KCNH7: variants seen among roughly 807,000 people sequenced by gnomAD.
KCNH7 encodes voltage-gated inwardly rectifying potassium channel KCNH7.
In KCNH7, 49 loss-of-function variants were observed where a neutral mutation model predicts 120.8. The ratio of observed to expected loss-of-function variants is 0.41; its 90% CI spans 0.32 to 0.51. The LOEUF is 0.51. Among genes scored for constraint, KCNH7 ranks in the 20% least tolerant of loss-of-function variants. The probability of loss-of-function intolerance (pLI) is 0.38; values close to 1 mark genes in which losing one functional copy is unlikely to be tolerated. For missense variants in KCNH7, 1,097 were observed against 1,446.6 expected, an observed-to-expected ratio of 0.76 and a Z score of 3.92; for synonymous variants, 547 against 516.1, an observed-to-expected ratio of 1.06 and a Z score of -0.81.
At position 162,398,030 on chromosome 2, in the gene KCNH7, A is replaced by C. The variant is rs2105440305; in HGVS notation, c.2408-1085T>G. On this transcript the variant is annotated intron_variant, in intron 10 of 15. Transcript: ENST00000332142. ...ATTTCCCTGAATGTCATGGCCACTT[A>C]GATTTTTCTGTTTCTGACTATCAAA... 2.0e-5 allele frequency among the ~76,000 whole-genome samples: 3 copies of C among 151,902 alleles called. 1 individual carries two copies. In the South Asian group the frequency reaches 6.2e-4, roughly 32 times the overall value.
At chr2:162,499,086 C>T (rs779814961) in intron 6 of KCNH7, among the ~76,000 whole-genome samples, 1 of 151,996 alleles carries the variant, frequency 6.6e-6, no homozygotes, top group African/African-American at 2.4e-5. Context: ...TCATACTTAT[C>T]CAGGGAGAGT....
intron 2 of KCNH7, among the ~76,000 whole-genome samples, chr2:162,598,073 G>T (rs151073860): frequency 6.6e-6 from 1 of 151,696 alleles, no homozygotes; most frequent in African/African-American, 2.4e-5. Flanking sequence ...GTTTATTTCC[G>T]TTTTTTCCCC....
chr2:162,515,280 C>A (rs1691241307), intron 4 of KCNH7, among the ~76,000 whole-genome samples: 1 of 151,586 alleles, frequency 6.6e-6, no homozygotes, highest in African/African-American at 2.4e-5. Context: ...ATGTATAGCA[C>A]CCGTACTGAG....
In KCNH7 at chr2:162,418,929, A is replaced by G. The variant is rs1160338175; in HGVS notation, c.2154+4407T>C. On this transcript the variant is annotated intron_variant, in intron 9 of 15. Transcript: ENST00000332142. Reference sequence around the variant, plus strand: ...ATGCTGTGTCACTCAGCATCTCACTATGATCCTAAGATTTTTTTAGCTTAT... The same window carrying G: ...ATGCTGTGTCACTCAGCATCTCACTGTGATCCTAAGATTTTTTTAGCTTAT... 2.0e-5 allele frequency among the ~76,000 whole-genome samples: 3 copies of G among 151,684 alleles called. No homozygotes were observed. The East Asian group carries it at 5.8e-4, about 29-fold the overall frequency.
chr2:162,637,390 T>C (rs1683999029), intron 2 of KCNH7, among the ~76,000 whole-genome samples: 2 of 152,082 alleles, frequency 1.3e-5, no homozygotes, highest in Non-Finnish European at 2.9e-5. Context: ...TACCCGATAG[T>C]TCCAAGTGGC....
At chr2:162,387,850 C>G (rs1162087778) in intron 12 of KCNH7, among the ~76,000 whole-genome samples, 2 of 151,640 alleles carry the variant, frequency 1.3e-5, no homozygotes, top group Non-Finnish European at 3.0e-5. Flanking sequence ...TTTCAAAAAA[C>G]CTGGAATTAA....
At chr2:162,591,084 C>T (rs1349605699) in intron 2 of KCNH7, among the ~76,000 whole-genome samples, 5 of 152,022 alleles carry the variant, frequency 3.3e-5, no homozygotes, top group Admixed American at 1.3e-4. Context: ...CCGAGCTCTT[C>T]GTTGGCTGTC....
intron 12 of KCNH7, among the ~76,000 whole-genome samples, chr2:162,390,277 T>C (rs929526253): frequency 2.0e-5 from 3 of 150,526 alleles, no homozygotes; most frequent in African/African-American, 7.3e-5. Context: ...CACATATTTA[T>C]ATATTTTATA....
chr2:162,524,087 G>T (rs980997314), intron 3 of KCNH7, among the ~76,000 whole-genome samples: 1 of 151,894 alleles, frequency 6.6e-6, no homozygotes, highest in Non-Finnish European at 1.5e-5. Context: ...ATCTTAGATT[G>T]GATTCCTGAA....
intron 2 of KCNH7, among the ~76,000 whole-genome samples, chr2:162,664,942 G>T (rs1685085515): frequency 6.6e-6 from 1 of 152,102 alleles, no homozygotes; most frequent in Admixed American, 6.6e-5. Flanking sequence ...TCAGGCCCCA[G>T]CTATGGCTAG....
At chr2:162,544,016 C>G (rs1692398063) in intron 2 of KCNH7, among the ~76,000 whole-genome samples, 1 of 152,110 alleles carries the variant, frequency 6.6e-6, no homozygotes, top group South Asian at 2.1e-4. Flanking sequence ...ATTCTCTTGT[C>G]CAGATGAGAA....
At chr2:162,538,446 A>G (rs562187782) in intron 2 of KCNH7, among the ~76,000 whole-genome samples, 1 of 152,014 alleles carries the variant, frequency 6.6e-6, no homozygotes, top group East Asian at 2.0e-4. Flanking sequence ...GGAGGTTGAG[A>G]GCAAGATTAG....
chr2:162,681,312 T>A (rs1346998886), intron 2 of KCNH7, among the ~76,000 whole-genome samples: 1 of 151,722 alleles, frequency 6.6e-6, no homozygotes, highest in African/African-American at 2.4e-5. Context: ...ACACACAAAC[T>A]ATTCCTGGGT....
chr2:162,744,410 T>TG (rs1271190111), intron 2 of KCNH7, among the ~76,000 whole-genome samples: 1 of 152,108 alleles, frequency 6.6e-6, no homozygotes, highest in African/African-American at 2.4e-5. Context: ...GTTCTGTTAT[T>TG]TTTCCTTAAA....
intron 12 of KCNH7, among the ~76,000 whole-genome samples, chr2:162,389,095 TTA>T (rs1248083295): frequency 6.6e-6 from 1 of 152,042 alleles, no homozygotes; most frequent in Non-Finnish European, 1.5e-5. Context: ...AGGCACATCT[TTA>T]ACACTGTTTG....
intron 12 of KCNH7, among the ~76,000 whole-genome samples, chr2:162,389,157 T>C (rs886869521): frequency 6.6e-6 from 1 of 151,980 alleles, no homozygotes; most frequent in African/African-American, 2.4e-5. Flanking sequence ...TTTTGTTTTG[T>C]TTTGTTTTTC....
At chr2:162,686,391 C>CA (rs1685892616) in intron 2 of KCNH7, among the ~76,000 whole-genome samples, 1 of 152,050 alleles carries the variant, frequency 6.6e-6, no homozygotes, top group Admixed American at 6.6e-5. Flanking sequence ...ATTTCCCAAA[C>CA]AAATAAAAGT....
At chr2:162,432,345 G>A (rs1048915616) in intron 8 of KCNH7, among the ~76,000 whole-genome samples, 11 of 151,906 alleles carry the variant, frequency 7.2e-5, no homozygotes, top group Admixed American at 2.0e-4. Flanking sequence ...TTTGTAGAAT[G>A]TCTTAATAGT....
intron 2 of KCNH7, among the ~76,000 whole-genome samples, chr2:162,654,541 G>C (rs921900805): frequency 6.6e-6 from 1 of 151,964 alleles, no homozygotes; most frequent in Admixed American, 6.5e-5. Flanking sequence ...CTTGCACACT[G>C]TTGGTGGTTA....
Sources: allele counts gnomAD v4.1 joint callset (sites outside exome capture counted in the v4.1 genomes callset), GRCh38; gene constraint gnomAD v4.1.1; transcripts MANE v1.5; gene names NCBI Gene and HGNC (gene_info 2026-07-23, HGNC 2026-07-21).